P2RY14: variants seen among roughly 807,000 people sequenced by gnomAD.
The protein encoded by P2RY14 is P2Y purinoceptor 14.
Under a neutral mutation model 0.9 loss-of-function variants are expected in P2RY14, and 2 were observed. That is an observed-to-expected ratio of 2.16 (90% confidence interval 0.88 to 6.79). The LOEUF is 6.79. Ranked by LOEUF, P2RY14 falls within the 30% of genes most tolerant of loss-of-function variation. The probability of loss-of-function intolerance (pLI) is 0.05; values close to 1 mark genes in which losing one functional copy is unlikely to be tolerated. For synonymous variants in P2RY14, 158 were observed against 147.2 expected (o/e 1.07, Z -0.53); for missense variants, 378 against 400.1 (o/e 0.94, Z 0.47).
chr3:151,213,278 T>G lies in P2RY14; in HGVS notation c.*22A>C, dbSNP rs1172971384. The G allele has an allele frequency of 9.0e-6, 14 of 1,556,210 alleles. No homozygotes were observed. The African/African-American group carries it at 1.2e-4, about 14-fold the overall frequency. On this transcript the variant is annotated 3_prime_UTR_variant, in exon 3 of 3. Transcript: ENST00000309170. The stretch of plus-strand genomic sequence containing the variant: ...AGATGACAACATGCACACGTGGTCT[T>G]TCTTTGGAAGAGGGTAGGAACTCAC...
chr3:151,252,297 C>T (rs565575948), intron 1 of P2RY14, among the ~76,000 whole-genome samples: 1 of 152,230 alleles, frequency 6.6e-6, no homozygotes, highest in East Asian at 1.9e-4. Context: ...CTTGTTTATA[C>T]CTTGTGTTCC....
chr3:151,233,794 G>C lies in P2RY14; in HGVS notation c.-132-14152C>G, dbSNP rs892599590. ...GAGCGAGAGTCCCACAGGCATTCTT[G>C]GATCGTTCCTGTTCCTCCTCTGCCA... On this transcript the variant is annotated intron_variant, in intron 1 of 2. Transcript: ENST00000309170. Among the ~76,000 whole-genome samples the C allele has an allele frequency of 5.9e-5, 9 of 152,160 alleles. No individual in the cohort carries two copies. In the East Asian group the frequency reaches 1.2e-3, roughly 20 times the overall value.
intron 1 of P2RY14, among the ~76,000 whole-genome samples, chr3:151,235,732 A>C (rs1463314494): frequency 1.3e-5 from 2 of 151,346 alleles, no homozygotes; most frequent in East Asian, 3.9e-4. Flanking sequence ...AGTAAAAGCA[A>C]CTCACTTGGG....
chr3:151,243,650 C>T (rs1447925222), intron 1 of P2RY14, among the ~76,000 whole-genome samples: 7 of 151,806 alleles, frequency 4.6e-5, no homozygotes, highest in South Asian at 2.1e-4. Context: ...TGGTACCAGC[C>T]GCTGCAAAAT....
chr3:151,227,309 G>C (rs548837186), intron 1 of P2RY14, among the ~76,000 whole-genome samples: 173 of 152,198 alleles, frequency 1.1e-3, no homozygotes, highest in Non-Finnish European at 1.7e-3. Context: ...GCCCTCTCTT[G>C]ATTCCCTCTT....
At chr3:151,222,327 T>C (rs1729530852) in intron 1 of P2RY14, among the ~76,000 whole-genome samples, 1 of 152,130 alleles carries the variant, frequency 6.6e-6, no homozygotes, top group Non-Finnish European at 1.5e-5. Context: ...GAAGACATGA[T>C]TGGTTTTGAA....
intron 1 of P2RY14, among the ~76,000 whole-genome samples, chr3:151,229,430 C>A (rs1255435260): frequency 1.3e-5 from 2 of 151,292 alleles, no homozygotes; most frequent in East Asian, 3.9e-4. Flanking sequence ...CGTCAGCCTC[C>A]CGAGTAGCTG....
chr3:151,257,057 G>A (rs1372143752), intron 1 of P2RY14, among the ~76,000 whole-genome samples: 1 of 152,096 alleles, frequency 6.6e-6, no homozygotes, highest in Non-Finnish European at 1.5e-5. Flanking sequence ...CGATACAGCT[G>A]CTTCTGAGAT....
intron 2 of P2RY14, among the ~76,000 whole-genome samples, chr3:151,218,866 CAAAAAAAA>C (rs397686351): frequency 4.2e-5 from 3 of 71,330 alleles, no homozygotes; most frequent in Non-Finnish European, 8.4e-5. Context: ...GACTCAGTCT[CAAAAAAAA>C]AAAAAAAAAA....
At position 151,214,134 on chromosome 3, in the gene P2RY14, C is replaced by G; in HGVS notation, c.183G>C (p.Lys61Asn). ...TCACAAAGTCAGCAATAACAATGTT[C>G]TTGAGATAGATGATGAAACTCTTAG... ...PSSKSFIIYL[K>N]NIVIADFVMS... Residue 61 changes from lysine (K) to asparagine (N), a missense_variant, in exon 3 of 3, where the codon AAG (lysine) becomes AAC (asparagine). Lys to Asn is a moderately conservative substitution (Grantham distance 94). Coordinates refer to ENST00000309170, the MANE Select transcript of P2RY14 (RefSeq NM_014879.4). 1 of 1,613,988 alleles carries G rather than the reference C, an allele frequency of 6.2e-7. No individual in the cohort carries two copies. Among genetic ancestry groups the G allele is most frequent in the Non-Finnish European group, 8.5e-7 (1 of 1,179,890 alleles).
intron 1 of P2RY14, among the ~76,000 whole-genome samples, chr3:151,234,012 A>G (rs1318604718): frequency 6.6e-6 from 1 of 152,250 alleles, no homozygotes; most frequent in Non-Finnish European, 1.5e-5. Flanking sequence ...CACTTTGGAA[A>G]GGGAATTGGA....
intron 1 of P2RY14, among the ~76,000 whole-genome samples, chr3:151,257,069 C>G (rs1005894507): frequency 6.6e-6 from 1 of 152,018 alleles, no homozygotes; most frequent in African/African-American, 2.4e-5. Context: ...TTCTGAGATA[C>G]AAGAAATGGT....
intron 1 of P2RY14, among the ~76,000 whole-genome samples, chr3:151,242,441 T>C (rs958476031): frequency 1.1e-4 from 16 of 152,344 alleles, no homozygotes; most frequent in South Asian, 2.1e-4. Context: ...ACCGGCAGAC[T>C]GCCTCCTCAA....
intron 1 of P2RY14, among the ~76,000 whole-genome samples, chr3:151,220,054 A>G (rs191516907): frequency 5.2e-4 from 78 of 149,772 alleles, no homozygotes; most frequent in Admixed American, 2.5e-3. Context: ...GGGCCAGATA[A>G]TTATTTATTT....
At chr3:151,237,459 C>G (rs1183266965) in intron 1 of P2RY14, among the ~76,000 whole-genome samples, 1 of 138,854 alleles carries the variant, frequency 7.2e-6, no homozygotes, top group African/African-American at 2.7e-5. Context: ...AAGCGATTCT[C>G]CTGCCTCCGC....
At chr3:151,276,456 G>A (rs1741871655) in intron 1 of P2RY14, among the ~76,000 whole-genome samples, 1 of 152,202 alleles carries the variant, frequency 6.6e-6, no homozygotes, top group Non-Finnish European at 1.5e-5. Flanking sequence ...GGCAGAATAT[G>A]CTTGTGTTGG....
intron 1 of P2RY14, among the ~76,000 whole-genome samples, chr3:151,277,249 A>T (rs1289600063): frequency 6.6e-6 from 1 of 151,790 alleles, no homozygotes; most frequent in East Asian, 1.9e-4. Flanking sequence ...GAGTTCATTC[A>T]TATATACCAA....
In P2RY14 at chr3:151,213,992, T is replaced by C. The variant is rs752336571; in HGVS notation, c.325A>G (p.Ile109Val). 1 of 1,614,054 alleles carries C rather than the reference T, an allele frequency of 6.2e-7. No homozygotes were observed. The highest frequency in any genetic ancestry group is 1.1e-5 in the South Asian group (1 of 91,072). The change falls in exon 3 of 3, where the codon ATT (isoleucine) becomes GTT (valine). Residue 109 changes from isoleucine to valine, a missense_variant. By Grantham distance (29) the Ile-to-Val change is conservative. Transcript: ENST00000309170. Reference protein sequence around the residue: ...VLFYVNMYVSIVFFGLISFDR... With the variant: ...VLFYVNMYVSVVFFGLISFDR... ...AAGCTGATGAGCCCAAAGAACACAA[T>C]GCTGACGTACATGTTGACGTAGAAG...
At chr3:151,248,227 A>T (rs1736128555) in intron 1 of P2RY14, among the ~76,000 whole-genome samples, 2 of 152,222 alleles carry the variant, frequency 1.3e-5, no homozygotes, top group East Asian at 3.9e-4. Flanking sequence ...TAAGACACTA[A>T]TAAAAAATAA....
Sources: gnomAD v4.1 joint callset for allele counts (sites outside exome capture counted in the v4.1 genomes callset) on GRCh38, gnomAD v4.1.1 for gene constraint, MANE v1.5 for transcripts, NCBI Gene and HGNC (gene_info 2026-07-23, HGNC 2026-07-21) for gene names.